Variants in LOC400499 observed in about 807,000 individuals in gnomAD.
At chr16:11,413,533 G>A in the LOC400499 span, among the ~76,000 whole-genome samples, 2 of 152,152 alleles carry the variant, frequency 1.3e-5, no homozygotes, top group Non-Finnish European at 2.9e-5. Context: ...CAGTGGTCAG[G>A]GCATGGCCCC....
chr16:11,504,411 C>A, the LOC400499 span, among the ~76,000 whole-genome samples: 6 of 151,950 alleles, frequency 3.9e-5, no homozygotes, highest in African/African-American at 1.4e-4. Context: ...CAAAAATTAG[C>A]CAGGCGTGGT....
At chr16:11,407,581 T>C in the LOC400499 span, among the ~76,000 whole-genome samples, 18 of 152,328 alleles carry the variant, frequency 1.2e-4, no homozygotes, top group Middle Eastern at 3.4e-3. Context: ...TGCTATAACA[T>C]TGACTTGAAA....
At chr16:11,448,233 G>C in the LOC400499 span, among the ~76,000 whole-genome samples, 2 of 152,144 alleles carry the variant, frequency 1.3e-5, no homozygotes, top group Admixed American at 6.5e-5. Flanking sequence ...CCTCCACCCT[G>C]ATCAGACCAC....
At chr16:11,411,313 A>T in the LOC400499 span, 4 of 399,428 alleles carry the variant, frequency 1.0e-5, no homozygotes, top group Non-Finnish European at 1.8e-5. Flanking sequence ...CCGGCCTGAG[A>T]ACAGCAGCTC....
At chr16:11,471,677 C>G in the LOC400499 span, 4 of 399,084 alleles carry the variant, frequency 1.0e-5, no homozygotes, top group African/African-American at 8.2e-5. Context: ...GTATAGGCAG[C>G]TTCCAGCAGG....
chr16:11,526,379 G>C, the LOC400499 span, among the ~76,000 whole-genome samples: 1 of 152,102 alleles, frequency 6.6e-6, no homozygotes, highest in Admixed American at 6.6e-5. Flanking sequence ...GTGAAACCCC[G>C]TCTCCACAAA....
At chr16:11,398,456 G>A in the LOC400499 span, 217 of 1,232,138 alleles carry the variant, frequency 1.8e-4, no homozygotes, top group Non-Finnish European at 2.1e-4. Flanking sequence ...CCCCGAGGAC[G>A]TGCTCCAGCG....
the LOC400499 span, among the ~76,000 whole-genome samples, chr16:11,499,480 C>G: frequency 6.6e-6 from 1 of 152,036 alleles, no homozygotes. Context: ...GGTGATGCCT[C>G]TTGGGACCCA....
At chr16:11,462,385 G>C in the LOC400499 span, 3 of 1,380,498 alleles carry the variant, frequency 2.2e-6, no homozygotes, top group South Asian at 3.4e-5. Flanking sequence ...GACCAGACAG[G>C]GCAGGAGACA....
At chr16:11,508,901 A>C in the LOC400499 span, 1 of 398,942 alleles carries the variant, frequency 2.5e-6, no homozygotes, top group Non-Finnish European at 4.4e-6. Context: ...GGGAAATGCC[A>C]GAGTGAGCTA....
At chr16:11,417,541 G>A in the LOC400499 span, 4 of 398,028 alleles carry the variant, frequency 1.0e-5, no homozygotes, top group African/African-American at 2.1e-5. Context: ...TGACAGGAGT[G>A]CCACCTGGGT....
chr16:11,387,405 AG>A, the LOC400499 span: 1 of 908,550 alleles, frequency 1.1e-6, no homozygotes, highest in East Asian at 3.3e-5. Context: ...GGAGAGCATG[AG>A]GGTGCCTTTC....
the LOC400499 span, among the ~76,000 whole-genome samples, chr16:11,402,912 C>T: frequency 6.6e-6 from 1 of 152,102 alleles, no homozygotes; most frequent in Non-Finnish European, 1.5e-5. Context: ...GTGCCCTGTG[C>T]CCCCTCGGAA....
chr16:11,384,771 C>G, the LOC400499 span: 65 of 926,746 alleles, frequency 7.0e-5, no homozygotes, highest in Non-Finnish European at 7.9e-5. Context: ...ATGCTAGAGA[C>G]GAGGCCGGCA....
chr16:11,379,235 G>A, the LOC400499 span, among the ~76,000 whole-genome samples: 3 of 152,286 alleles, frequency 2.0e-5, no homozygotes, highest in East Asian at 3.9e-4. Flanking sequence ...GCAACAGAGT[G>A]AGATTCCATC....
chr16:11,510,029 ATC>A, the LOC400499 span, among the ~76,000 whole-genome samples: 1 of 119,144 alleles, frequency 8.4e-6, no homozygotes, highest in Non-Finnish European at 1.8e-5. Flanking sequence ...ATAAATCTTA[ATC>A]TCTCTCATGC....
chr16:11,521,354 C>G, the LOC400499 span, among the ~76,000 whole-genome samples: 1 of 152,284 alleles, frequency 6.6e-6, no homozygotes, highest in Non-Finnish European at 1.5e-5. Flanking sequence ...AATGAGCAAG[C>G]ACTTCTGCTT....
chr16:11,392,740 GGTTT>G, the LOC400499 span: 2 of 981,682 alleles, frequency 2.0e-6, no homozygotes, highest in Non-Finnish European at 2.4e-6. Flanking sequence ...GGTTTCCTGA[GGTTT>G]TTTTTTGAGA....
the LOC400499 span, among the ~76,000 whole-genome samples, chr16:11,438,812 G>A: frequency 4.0e-5 from 6 of 151,806 alleles, no homozygotes; most frequent in African/African-American, 7.3e-5. Context: ...AAATGCTATC[G>A]GGCTAGGTGC....
Sources: allele counts gnomAD v4.1 joint callset (sites outside exome capture counted in the v4.1 genomes callset), GRCh38; gene constraint gnomAD v4.1.1; transcripts MANE v1.5.